Variants in KAZN observed in about 807,000 individuals in gnomAD.
KAZN encodes the protein kazrin, periplakin interacting protein, also known as kazrin.
Under a neutral mutation model 87.4 loss-of-function variants are expected in KAZN, and 40 were observed. That is an observed-to-expected ratio of 0.46 (90% confidence interval 0.36 to 0.60). KAZN has a LOEUF of 0.60. Among genes scored for constraint, KAZN ranks in the 20% least tolerant of loss-of-function variants. The pLI is 0.00. For missense variants in KAZN, 898 were observed against 1,073.9 expected (o/e 0.84, Z 2.29); for synonymous variants, 466 against 458.3 (o/e 1.02, Z -0.22).
intron 2 of KAZN, among the ~76,000 whole-genome samples, chr1:14,990,787 A>T (rs1285648000): frequency 6.7e-6 from 1 of 150,220 alleles, no homozygotes; most frequent in African/African-American, 2.4e-5. Flanking sequence ...TGAAGTCCTA[A>T]CCCCCAGGAC....
At chr1:14,058,893 G>C (rs1317933388) in intron 1 of KAZN, among the ~76,000 whole-genome samples, 1 of 152,174 alleles carries the variant, frequency 6.6e-6, no homozygotes, top group Non-Finnish European at 1.5e-5. Flanking sequence ...AAGGCTCTGA[G>C]GCAAGAAAGG....
chr1:14,680,097 TA>T (rs1640479905), intron 1 of KAZN, among the ~76,000 whole-genome samples: 1 of 152,194 alleles, frequency 6.6e-6, no homozygotes, highest in Non-Finnish European at 1.5e-5. Context: ...TGGGAGGTGA[TA>T]TTTTTAATTA....
intron 2 of KAZN, among the ~76,000 whole-genome samples, chr1:14,245,165 G>A (rs533194411): frequency 4.6e-5 from 7 of 151,986 alleles, no homozygotes; most frequent in South Asian, 2.1e-4. Flanking sequence ...GGGTTTCACC[G>A]TGTTGGCCAG....
chr1:14,269,628 G>A (rs1651767352), intron 2 of KAZN, among the ~76,000 whole-genome samples: 1 of 152,152 alleles, frequency 6.6e-6, no homozygotes, highest in Non-Finnish European at 1.5e-5. Context: ...GCAAAGTAAG[G>A]GAAAATACAA....
intron 1 of KAZN, among the ~76,000 whole-genome samples, chr1:14,765,365 G>A (rs545394524): frequency 6.6e-6 from 1 of 152,334 alleles, no homozygotes; most frequent in South Asian, 2.1e-4. Context: ...GTTGTTGTTA[G>A]GGCCATCAGC....
chr1:14,124,289 G>A (rs1383549782), intron 1 of KAZN: 1 of 152,176 alleles, frequency 6.6e-6, no homozygotes, highest in Non-Finnish European at 1.5e-5. Context: ...GGCTGTGCTA[G>A]TCTTCTCTGT....
At chr1:14,175,131 T>C (rs1814189) in intron 1 of KAZN, among the ~76,000 whole-genome samples, 20,077 of 152,164 alleles carry the variant, frequency 0.13, 1,436 homozygotes, top group East Asian at 0.33. Flanking sequence ...TGAAATGGAA[T>C]CTCACTCTGT....
intron 2 of KAZN, among the ~76,000 whole-genome samples, chr1:14,986,566 G>T (rs922115123): frequency 6.6e-6 from 1 of 152,188 alleles, no homozygotes; most frequent in African/African-American, 2.4e-5. Flanking sequence ...CCTGAGCCAG[G>T]GCTGTGAAAG....
chr1:14,080,076 T>C (rs2101586926), intron 1 of KAZN, among the ~76,000 whole-genome samples: 1 of 110,282 alleles, frequency 9.1e-6, no homozygotes, highest in Admixed American at 9.4e-5. Flanking sequence ...TTTGGGGGGA[T>C]GTAAACATTC....
chr1:14,614,184 C>CCT (rs1357495753), intron 1 of KAZN, among the ~76,000 whole-genome samples: 2 of 152,194 alleles, frequency 1.3e-5, no homozygotes, highest in Non-Finnish European at 2.9e-5. Context: ...CTCATTTATG[C>CCT]CAACACTGGA....
intron 1 of KAZN, among the ~76,000 whole-genome samples, chr1:14,720,463 GC>G (rs1340652274): frequency 2.0e-5 from 3 of 152,126 alleles, no homozygotes; most frequent in Non-Finnish European, 2.9e-5. Context: ...TCTGAAACCT[GC>G]CTCATGGAGG....
intron 2 of KAZN, among the ~76,000 whole-genome samples, chr1:14,419,126 T>A (rs529800358): frequency 3.3e-5 from 5 of 152,344 alleles, no homozygotes; most frequent in African/African-American, 1.2e-4. Context: ...GCACCCCATC[T>A]TTACAAAGGA....
At chr1:14,233,524 C>T (rs1410542658) in intron 2 of KAZN, among the ~76,000 whole-genome samples, 2 of 152,132 alleles carry the variant, frequency 1.3e-5, no homozygotes, top group Admixed American at 6.6e-5. Context: ...CTGGTAAGTG[C>T]CTAATACAGG....
chr1:13,896,444 C>A (rs1475653313), intron 1 of KAZN, among the ~76,000 whole-genome samples: 5 of 152,144 alleles, frequency 3.3e-5, no homozygotes, highest in African/African-American at 9.7e-5. Context: ...CATGTACCAC[C>A]ATTCCAGGTT....
intron 1 of KAZN, among the ~76,000 whole-genome samples, chr1:14,682,562 A>T (rs1283797185): frequency 1.3e-5 from 2 of 152,162 alleles, no homozygotes; most frequent in Non-Finnish European, 2.9e-5. Flanking sequence ...TGCTAGGATT[A>T]CAGGCATGAG....
At chr1:14,632,416 C>T (rs1037538786) in intron 1 of KAZN, among the ~76,000 whole-genome samples, 10 of 152,036 alleles carry the variant, frequency 6.6e-5, no homozygotes, top group African/African-American at 1.4e-4. Context: ...CATCAGAAAA[C>T]GCTTCTATGG....
At chr1:14,160,074 A>G (rs1213536556) in intron 1 of KAZN, among the ~76,000 whole-genome samples, 1 of 151,750 alleles carries the variant, frequency 6.6e-6, no homozygotes, top group Admixed American at 6.6e-5. Flanking sequence ...TGATGCCTGC[A>G]CTCTTTTAGC....
intron 2 of KAZN, among the ~76,000 whole-genome samples, chr1:14,404,222 G>C: frequency 6.6e-6 from 1 of 152,178 alleles, no homozygotes; most frequent in East Asian, 1.9e-4. Flanking sequence ...ACAAAGAAAA[G>C]GGAAGACGGA....
intron 2 of KAZN, among the ~76,000 whole-genome samples, chr1:14,228,806 T>C (rs2100530990): frequency 6.6e-6 from 1 of 152,302 alleles, no homozygotes; most frequent in East Asian, 1.9e-4. Context: ...AGGACATCAG[T>C]CCGGGCCTAC....
Sources: gnomAD v4.1 joint callset for allele counts (sites outside exome capture counted in the v4.1 genomes callset) on GRCh38, gnomAD v4.1.1 for gene constraint, MANE v1.5 for transcripts, NCBI Gene and HGNC (gene_info 2026-07-23, HGNC 2026-07-21) for gene names.